Variants in PAXIP1 observed in about 807,000 individuals in gnomAD.
The protein encoded by PAXIP1 is PAX-interacting protein 1.
PAXIP1 carries 19 observed loss-of-function variants against 140.6 expected under a neutral mutation model. The ratio of observed to expected loss-of-function variants is 0.14; its 90% CI spans 0.09 to 0.20. PAXIP1 has a LOEUF of 0.20. PAXIP1 is among the 10% of genes least tolerant of loss of function. PAXIP1 has a pLI of 1.00. For synonymous variants in PAXIP1, 442 were observed against 444.6 expected (o/e 0.99, Z 0.07); for missense variants, 920 against 1,208.6 (o/e 0.76, Z 3.54).
chr7:154,964,030 G>C, intron 8 of PAXIP1: 1 of 403,444 alleles, frequency 2.5e-6, no homozygotes, highest in Non-Finnish European at 4.7e-6. Context: ...GGCTTCTCAA[G>C]CTCAATGTAA....
intron 4 of PAXIP1, among the ~76,000 whole-genome samples, chr7:154,989,886 T>G (rs1015197697): frequency 2.6e-5 from 4 of 152,196 alleles, no homozygotes; most frequent in Non-Finnish European, 5.9e-5. Flanking sequence ...TAGACTACTG[T>G]GTAAGTATAT....
At chr7:154,961,762 A>G (rs1260894768) in intron 10 of PAXIP1, 114 bp from the exon 11 acceptor site, 3 of 907,200 alleles carry the variant, frequency 3.3e-6, no homozygotes, top group African/African-American at 3.4e-5. Context: ...CTTTGGCATT[A>G]TGGAACACAT....
chr7:154,961,155 C>A, intron 11 of PAXIP1, 78 bp from the exon 12 acceptor site: 1 of 1,172,964 alleles, frequency 8.5e-7, no homozygotes, highest in Non-Finnish European at 1.2e-6. Context: ...TTATTTCCAA[C>A]AAAAGGCAAT....
chr7:154,985,849 C>G (rs1810045168), intron 4 of PAXIP1, among the ~76,000 whole-genome samples: 1 of 152,226 alleles, frequency 6.6e-6, no homozygotes, highest in African/African-American at 2.4e-5. Context: ...TCCTAAACTT[C>G]TCTGAGATCT....
In PAXIP1 at chr7:154,946,646, G is replaced by A. The variant is rs972025587; in HGVS notation, c.3057+33C>T. 4.3e-6 allele frequency: 7 copies of A among 1,613,498 alleles called. No individual in the cohort carries two copies. Among genetic ancestry groups the A allele is most frequent in the Non-Finnish European group, 5.9e-6 (7 of 1,179,664 alleles). On this transcript the variant is annotated intron_variant, in intron 18 of 20. Transcript: ENST00000404141. This position sits in a 1 kb window ranked among gnomAD's most constrained non-coding sequence, Gnocchi z 4.9. The stretch of plus-strand genomic sequence containing the variant: ...AACGCTGAATGTGATACAGGGCAAT[G>A]ACGGACTCGCTGGCGGACTCCACTC...
At chr7:154,951,874 G>A (rs573579782) in intron 16 of PAXIP1, 2 of 152,302 alleles carry the variant, frequency 1.3e-5, no homozygotes, top group South Asian at 4.1e-4. Context: ...CTAAAGCTGG[G>A]TGTTGCCCAA....
chr7:154,969,597 G>A (rs1809204160), intron 6 of PAXIP1, among the ~76,000 whole-genome samples: 4 of 152,234 alleles, frequency 2.6e-5, no homozygotes, highest in Admixed American at 2.6e-4. Context: ...ATCGGGCTCA[G>A]CCTCACCTCA....
intron 5 of PAXIP1, among the ~76,000 whole-genome samples, chr7:154,980,394 T>TTA (rs144772115): frequency 0.23 from 35,599 of 151,948 alleles, 4,723 homozygotes; most frequent in Admixed American, 0.33. Flanking sequence ...AAATATATGC[T>TTA]TATATATGTT....
intron 5 of PAXIP1, among the ~76,000 whole-genome samples, chr7:154,979,814 C>T (rs1809760342): frequency 6.6e-6 from 1 of 152,132 alleles, no homozygotes; most frequent in African/African-American, 2.4e-5. Flanking sequence ...CGAGGTGAGG[C>T]AGGGAACACC....
At chr7:154,982,294 T>C (rs1463213224) in intron 5 of PAXIP1, among the ~76,000 whole-genome samples, 1 of 152,206 alleles carries the variant, frequency 6.6e-6, no homozygotes, top group African/African-American at 2.4e-5. Context: ...GAGGACTTGA[T>C]CACACACTGA....
At chr7:154,987,389 C>T (rs11771393) in intron 4 of PAXIP1, among the ~76,000 whole-genome samples, 38,864 of 152,092 alleles carry the variant, frequency 0.26, 5,467 homozygotes, top group Middle Eastern at 0.38. Context: ...TTAAGTGTGA[C>T]TTTACCTTGG....
intron 4 of PAXIP1, among the ~76,000 whole-genome samples, chr7:154,989,250 C>T (rs4398858): frequency 1 from 152,313 of 152,338 alleles, 76,144 homozygotes; most frequent in Non-Finnish European, 1. Flanking sequence ...AAGTTCAGAC[C>T]GGTGATATCC....
At chr7:154,961,496 T>C (rs747198332) in intron 11 of PAXIP1, 31 bp downstream of exon 11, 16 of 1,542,488 alleles carry the variant, frequency 1.0e-5, no homozygotes, top group Non-Finnish European at 1.4e-5. Context: ...TGTAAATTTA[T>C]GATTAAAAAC....
intron 16 of PAXIP1, chr7:154,948,298 C>G (rs562906543): frequency 3.9e-5 from 12 of 304,518 alleles, no homozygotes; most frequent in East Asian, 3.5e-4. Context: ...GTAATTCCAG[C>G]ACTTTGGGAA....
chr7:154,948,118 TG>T, intron 16 of PAXIP1, 115 bp from the exon 17 acceptor site: 2 of 733,100 alleles, frequency 2.7e-6, no homozygotes, highest in Non-Finnish European at 2.5e-6. Flanking sequence ...TACATTTACC[TG>T]TACAGCCTTC....
intron 16 of PAXIP1, 24 bp from the exon 17 acceptor site, chr7:154,948,027 T>C: frequency 6.5e-7 from 1 of 1,530,096 alleles, no homozygotes; most frequent in South Asian, 1.1e-5. Context: ...CAGCACATAC[T>C]CTGAAAAGTG....
intron 5 of PAXIP1, among the ~76,000 whole-genome samples, chr7:154,980,755 T>C (rs1809802971): frequency 1.3e-5 from 2 of 152,220 alleles, no homozygotes; most frequent in Non-Finnish European, 2.9e-5. Context: ...AGGGTAGTTA[T>C]GCTTGAGCAT....
chr7:154,946,754 G>T lies in PAXIP1; in HGVS notation c.2982C>A (p.Ile994=), dbSNP rs756344863. Residue 994 remains isoleucine, a synonymous_variant, in exon 18 of 21, where the codon ATC becomes ATA. Transcript: ENST00000404141. The surrounding 1 kb of genome is among the most constrained non-coding windows in gnomAD (Gnocchi z 4.9). ...ACACCTTTCCTCCTGCACACTCTAC[G>T]ATTGCCTTCATAGTGGAAAGACTTG... is the stretch of plus-strand genomic sequence containing the variant. ...ICPSLSTMKA[I]VECAGGKVLS... The T allele has an allele frequency of 1.2e-6, 2 of 1,612,446 alleles. No homozygotes were observed. The highest frequency in any genetic ancestry group is 3.3e-5 in the Admixed American group (2 of 59,848).
At position 154,968,957 on chromosome 7, in the gene PAXIP1, G is replaced by GGGT; in HGVS notation, c.1241_1243dup (p.His414dup). ...CTGCTGGGGCTGAAGGTGTAAAACCGGGTGCTGCTGCTGCTGCTGCTGGGC... is the reference window on the plus strand; with the variant it reads ...CTGCTGGGGCTGAAGGTGTAAAACCGGGTGGTGCTGCTGCTGCTGCTGCTGGGC... On this transcript the variant is annotated inframe_insertion, in exon 7 of 21. Transcript: ENST00000404141. 2.0e-6 allele frequency: 3 copies of GGGT among 1,515,998 alleles called. No homozygotes were observed. The highest frequency in any genetic ancestry group is 1.2e-5 in the South Asian group (1 of 82,240). The allele number at this position is 1,515,998 out of a possible 1,614,324, so 93.9% of individuals were successfully genotyped here.
Sources: gnomAD v4.1 joint callset for allele counts (sites outside exome capture counted in the v4.1 genomes callset) on GRCh38, gnomAD v4.1.1 for gene constraint, Gnocchi (gnomAD v3.1) non-coding constraint, MANE v1.5 for transcripts, NCBI Gene and HGNC (gene_info 2026-07-23, HGNC 2026-07-21) for gene names.